Variants in RXRG observed in about 807,000 individuals in gnomAD.
RXRG encodes the protein retinoid X receptor gamma.
In RXRG, 19 loss-of-function variants were observed where a neutral mutation model predicts 49.2. The observed-to-expected ratio is 0.39, with a 90% CI of 0.27 to 0.57. The LOEUF is 0.57. Among genes scored for constraint, RXRG ranks in the 20% least tolerant of loss-of-function variants. RXRG has a pLI of 0.64. For synonymous variants in RXRG, 224 were observed against 216.6 expected (o/e 1.03, Z -0.30); for missense variants, 452 against 592.5 (o/e 0.76, Z 2.46).
At chr1:165,429,600 T>C (rs1437209543) in intron 1 of RXRG, among the ~76,000 whole-genome samples, 1 of 152,176 alleles carries the variant, frequency 6.6e-6, no homozygotes. Context: ...ATGTACATGA[T>C]GTTCTTTTCC....
chr1:165,444,754 A>T, intron 1 of RXRG, 91 bp downstream of exon 1: 1 of 1,139,334 alleles, frequency 8.8e-7, no homozygotes, highest in African/African-American at 1.5e-5. Context: ...TTCTCCTTTT[A>T]ATTCAATACT....
In RXRG at chr1:165,409,085, C is replaced by G. The variant is rs188766236; in HGVS notation, c.1046+473G>C. ...AGATGGGTTTGCTCCTGCTGCAGGCCTCCTTCTGAGATCATCCAGAGCCCA... is the reference window on the plus strand; with the variant it reads ...AGATGGGTTTGCTCCTGCTGCAGGCGTCCTTCTGAGATCATCCAGAGCCCA... On this transcript the variant is annotated intron_variant, in intron 7 of 9. Transcript: ENST00000359842. Among the ~76,000 whole-genome samples the G allele has an allele frequency of 4.1e-4, 63 of 152,238 alleles. 1 individual carries two copies. The highest frequency in any genetic ancestry group is 4.0e-3 in the Admixed American group (61 of 15,284).
intron 2 of RXRG, among the ~76,000 whole-genome samples, chr1:165,427,325 C>T (rs1023889991): frequency 4.6e-5 from 7 of 152,228 alleles, no homozygotes; most frequent in African/African-American, 1.7e-4. Context: ...ATATTCTTTG[C>T]ATTGTTTCTC....
At chr1:165,408,407 C>T in intron 7 of RXRG, 89 bp from the exon 8 acceptor site, 1 of 884,922 alleles carries the variant, frequency 1.1e-6, no homozygotes, top group Non-Finnish European at 1.9e-6. Context: ...TTTTTATAAG[C>T]CCACTCTGTT....
At position 165,441,038 on chromosome 1, in the gene RXRG, G is replaced by A. The variant is rs150517510; in HGVS notation, c.49+3807C>T. Among the ~76,000 whole-genome samples, 3 of 152,308 alleles carry A rather than the reference G, an allele frequency of 2.0e-5. No individual in the cohort carries two copies. In the East Asian group the frequency reaches 5.8e-4, roughly 29 times the overall value. On this transcript the variant is annotated intron_variant, in intron 1 of 9. Transcript: ENST00000359842. The stretch of plus-strand genomic sequence containing the variant: ...TTAGCCACCCACATATCTGTGGAGG[G>A]GAAAAATATGTTCTAGCATATACAC...
chr1:165,406,402 A>G (rs1312971989), intron 9 of RXRG, among the ~76,000 whole-genome samples: 2 of 152,230 alleles, frequency 1.3e-5, no homozygotes, highest in Non-Finnish European at 2.9e-5. Context: ...CACACCTCAA[A>G]CACAGGCTCT....
At chr1:165,409,478 T>G (rs1657864875) in intron 7 of RXRG, 80 bp downstream of exon 7, 2 of 1,250,020 alleles carry the variant, frequency 1.6e-6, no homozygotes, top group African/African-American at 3.5e-5. Flanking sequence ...AATTCATGTA[T>G]GTACACATGT....
At chr1:165,418,322 C>CTT (rs1658201151) in intron 3 of RXRG, among the ~76,000 whole-genome samples, 1 of 152,060 alleles carries the variant, frequency 6.6e-6, no homozygotes, top group Non-Finnish European at 1.5e-5. Context: ...TAGAAGTCTT[C>CTT]TTAATACCAG....
At chr1:165,408,406 G>T in intron 7 of RXRG, 88 bp from the exon 8 acceptor site, 2 of 890,838 alleles carry the variant, frequency 2.2e-6, no homozygotes. Flanking sequence ...ATTTTTATAA[G>T]CCCACTCTGT....
rs1239797851 is a variant in RXRG at position 165,439,354 on chromosome 1, T to TC, written c.49+5490dup. ...AGAGGCAGGGATGCCACTCTCTCCC[T>TC]CCCCCTTCCTTCAAGCACCGGAAGC... On this transcript the variant is annotated intron_variant, in intron 1 of 9. Coordinates refer to ENST00000359842, the MANE Select transcript of RXRG (RefSeq NM_006917.5). Among the ~76,000 whole-genome samples the TC allele has an allele frequency of 4.0e-5, 6 of 151,552 alleles. 1 individual carries two copies. The East Asian group carries it at 1.2e-3, about 30-fold the overall frequency.
At chr1:165,421,779 G>A (rs189421878) in intron 2 of RXRG, among the ~76,000 whole-genome samples, 13 of 152,198 alleles carry the variant, frequency 8.5e-5, no homozygotes, top group African/African-American at 2.9e-4. Context: ...CAATCTGCCC[G>A]TCTTGGCCTC....
chr1:165,436,854 G>T, intron 1 of RXRG: 1 of 982,638 alleles, frequency 1.0e-6, no homozygotes, highest in Non-Finnish European at 1.3e-6. Flanking sequence ...GGGACAGCAA[G>T]AGTTTCAAGG....
Position 165,437,076 on chromosome 1 carries a change from T to A in RXRG, c.49+7769A>T, listed in dbSNP as rs77875554. On this transcript the variant is annotated intron_variant, in intron 1 of 9. Coordinates refer to ENST00000359842, the MANE Select transcript of RXRG (RefSeq NM_006917.5). ...GACTCAAAATCTCCTTTGCTCCTCC[T>A]TTTCATTTTACTGGTCACTAGTGTC... is the stretch of plus-strand genomic sequence containing the variant. The A allele has an allele frequency of 4.2e-5, 56 of 1,337,016 alleles. No individual in the cohort carries two copies. In the South Asian group the frequency reaches 6.8e-4, roughly 16 times the overall value. The allele number at this position is 1,337,016 out of a possible 1,614,324, so 82.8% of individuals were successfully genotyped here.
intron 8 of RXRG, 67 bp from the exon 9 acceptor site, chr1:165,406,984 T>G: frequency 8.5e-7 from 1 of 1,179,572 alleles, no homozygotes; most frequent in Non-Finnish European, 1.3e-6. Flanking sequence ...CCATTCTCTC[T>G]GGCCACTCTC....
At chr1:165,444,490 C>G (rs187996108) in intron 1 of RXRG, among the ~76,000 whole-genome samples, 1 of 152,274 alleles carries the variant, frequency 6.6e-6, no homozygotes, top group East Asian at 1.9e-4. Context: ...TAGTAATTCC[C>G]CGTTAACTCT....
At chr1:165,419,541 CTG>C (rs1279069150) in intron 3 of RXRG, among the ~76,000 whole-genome samples, 2 of 152,124 alleles carry the variant, frequency 1.3e-5, no homozygotes, top group Non-Finnish European at 2.9e-5. Flanking sequence ...CACCAAAGCA[CTG>C]GGATTATAGG....
intron 1 of RXRG, among the ~76,000 whole-genome samples, chr1:165,433,290 A>G (rs979613861): frequency 6.6e-6 from 1 of 152,140 alleles, no homozygotes; most frequent in African/African-American, 2.4e-5. Flanking sequence ...TTATTTATAA[A>G]TTACCTAGTC....
At chr1:165,402,671 TACAC>T (rs1657619075) in intron 9 of RXRG, among the ~76,000 whole-genome samples, 2 of 150,198 alleles carry the variant, frequency 1.3e-5, no homozygotes, top group Admixed American at 6.6e-5. Flanking sequence ...CCCTCACACA[TACAC>T]ACATGCCCAC....
chr1:165,440,564 T>C (rs1222689626), intron 1 of RXRG, among the ~76,000 whole-genome samples: 1 of 152,244 alleles, frequency 6.6e-6, no homozygotes, highest in African/African-American at 2.4e-5. Flanking sequence ...TTTCAGATTT[T>C]AGATGCTTGG....
Sources: allele counts gnomAD v4.1 joint callset (sites outside exome capture counted in the v4.1 genomes callset), GRCh38; gene constraint gnomAD v4.1.1; transcripts MANE v1.5; gene names NCBI Gene and HGNC (gene_info 2026-07-23, HGNC 2026-07-21).